The following PDE1C variants were observed in gnomAD, a reference collection of about 807,000 sequenced individuals.
The protein encoded by PDE1C is phosphodiesterase 1C, also known as dual specificity calcium/calmodulin-dependent 3',5'-cyclic nucleotide phosphodiesterase 1C.
In PDE1C, 62 loss-of-function variants were observed where a neutral mutation model predicts 93.1. That is an observed-to-expected ratio of 0.67 (90% CI 0.54 to 0.82). PDE1C has a LOEUF of 0.82. Ranked by LOEUF, PDE1C falls within the 40% of genes least tolerant of loss-of-function variation. PDE1C has a pLI of 0.00. For synonymous variants in PDE1C, 325 were observed against 310.1 expected, an observed-to-expected ratio of 1.05 and a Z score of -0.50; for missense variants, 742 against 884.6, an observed-to-expected ratio of 0.84 and a Z score of 2.04.
At chr7:31,705,467 T>C in the PDE1C span, among the ~76,000 whole-genome samples, 1 of 148,180 alleles carries the variant, frequency 6.7e-6, no homozygotes, top group Non-Finnish European at 1.5e-5. Flanking sequence ...ACGAGAAATA[T>C]CTCCCACTGT....
chr7:32,400,481 G>C (rs570581108), intron 1 of PDE1C, among the ~76,000 whole-genome samples: 1 of 152,348 alleles, frequency 6.6e-6, no homozygotes, highest in East Asian at 1.9e-4. Context: ...AGATTTGGCT[G>C]TTAAGAGTTA....
At chr7:32,356,959 T>A (rs975599755) in intron 1 of PDE1C, among the ~76,000 whole-genome samples, 7 of 95,080 alleles carry the variant, frequency 7.4e-5, no homozygotes, top group African/African-American at 2.9e-4. Context: ...ATGCCACTTA[T>A]TTTTTGCCAA....
chr7:31,869,348 T>G (rs992712471), intron 6 of PDE1C, among the ~76,000 whole-genome samples: 18 of 152,060 alleles, frequency 1.2e-4, no homozygotes, highest in African/African-American at 3.4e-4. Context: ...AATAAATCCA[T>G]GACCCAACTA....
At chr7:31,787,838 T>C (rs1357476691) in intron 16 of PDE1C, 1 of 152,232 alleles carries the variant, frequency 6.6e-6, no homozygotes, top group Non-Finnish European at 1.5e-5. Flanking sequence ...TTTGGAATAA[T>C]TACTTTAATG....
rs73306679 is a variant in PDE1C at position 32,269,250 on chromosome 7, G to T, written c.85+29401C>A. ...ATGTTGTGAAAACAGCAGATTCTGAGCCAGGGGGGGTGAGATGCTGCATTT... is the reference window on the plus strand; with the variant it reads ...ATGTTGTGAAAACAGCAGATTCTGATCCAGGGGGGGTGAGATGCTGCATTT... On this transcript the variant is annotated intron_variant, in intron 1 of 18. Transcript: ENST00000396193. Among the ~76,000 whole-genome samples, 1,272 of 148,658 alleles carry T rather than the reference G, an allele frequency of 8.6e-3. 21 individuals are homozygous for T. Among genetic ancestry groups the T allele is most frequent in the African/African-American group, 0.031 (1,233 of 39,690 alleles).
chr7:31,910,121 G>A (rs567629235), intron 2 of PDE1C, among the ~76,000 whole-genome samples: 6 of 152,162 alleles, frequency 3.9e-5, no homozygotes, highest in East Asian at 3.9e-4. Context: ...ATGGAAACAC[G>A]CCCAGGGTGA....
chr7:32,377,123 G>A (rs1359821606), intron 1 of PDE1C, among the ~76,000 whole-genome samples: 1 of 152,106 alleles, frequency 6.6e-6, no homozygotes, highest in Admixed American at 6.5e-5. Context: ...AGTAAGGCTA[G>A]GGAATGAAAT....
At chr7:31,689,653 G>A in the PDE1C span, among the ~76,000 whole-genome samples, 1 of 152,124 alleles carries the variant, frequency 6.6e-6, no homozygotes, top group African/African-American at 2.4e-5. Context: ...TGAGTTGAGA[G>A]ATGGGGTCAT....
intron 1 of PDE1C, among the ~76,000 whole-genome samples, chr7:32,314,734 C>A (rs981011123): frequency 6.6e-6 from 1 of 151,940 alleles, no homozygotes; most frequent in Non-Finnish European, 1.5e-5. Flanking sequence ...ACAGAATTAC[C>A]GAGAGCACCA....
At chr7:31,714,332 G>C in the PDE1C span, among the ~76,000 whole-genome samples, 1 of 152,080 alleles carries the variant, frequency 6.6e-6, no homozygotes, top group Non-Finnish European at 1.5e-5. Flanking sequence ...CTCCATCTCA[G>C]ACCACCTTGG....
chr7:31,832,824 G>A (rs1196647237), intron 11 of PDE1C, among the ~76,000 whole-genome samples: 4 of 151,996 alleles, frequency 2.6e-5, no homozygotes, highest in Non-Finnish European at 5.9e-5. Flanking sequence ...TCCTTTACGA[G>A]GAAAAAATGT....
chr7:32,120,260 G>T (rs752001289), intron 3 of PDE1C, among the ~76,000 whole-genome samples: 2 of 152,202 alleles, frequency 1.3e-5, no homozygotes, highest in Admixed American at 6.5e-5. Flanking sequence ...GAGCCCCTAG[G>T]GGGAAGGGTG....
intron 3 of PDE1C, among the ~76,000 whole-genome samples, chr7:32,114,789 C>G (rs1178872213): frequency 6.7e-6 from 1 of 150,208 alleles, no homozygotes; most frequent in East Asian, 1.9e-4. Flanking sequence ...ACAACCCCAT[C>G]AAAAAGTGGG....
chr7:32,087,505 A>C (rs1180282565), intron 3 of PDE1C, among the ~76,000 whole-genome samples: 2 of 151,770 alleles, frequency 1.3e-5, no homozygotes, highest in Admixed American at 6.6e-5. Flanking sequence ...TACTGGGTAT[A>C]TACCCAAAGG....
chr7:31,899,422 G>A (rs1799705676), intron 2 of PDE1C, among the ~76,000 whole-genome samples: 1 of 152,130 alleles, frequency 6.6e-6, no homozygotes, highest in Non-Finnish European at 1.5e-5. Context: ...ACAGGCGTAA[G>A]TAAGCCACTG....
At chr7:31,899,120 T>C (rs1175295208) in intron 2 of PDE1C, among the ~76,000 whole-genome samples, 2 of 146,888 alleles carry the variant, frequency 1.4e-5, no homozygotes, top group African/African-American at 5.0e-5. Flanking sequence ...ACCAAGAGCA[T>C]GGGCAGTCCC....
chr7:32,280,939 C>T (rs1327538391), intron 1 of PDE1C, among the ~76,000 whole-genome samples: 2 of 152,150 alleles, frequency 1.3e-5, no homozygotes, highest in African/African-American at 2.4e-5. Context: ...GAGCTATGAT[C>T]ATGCCACCAC....
rs548332318 is a variant in PDE1C at position 32,142,051 on chromosome 7, C to CAGAAGGTTGTA, written c.308+27733_308+27734insTACAACCTTCT. Among the ~76,000 whole-genome samples, 691 of 152,016 alleles carry CAGAAGGTTGTA rather than the reference C, an allele frequency of 4.5e-3. 5 individuals are homozygous for CAGAAGGTTGTA. The highest frequency in any genetic ancestry group is 0.016 in the African/African-American group (656 of 41,440). ...TGACTCTGTGCACTTACACCTTCTG[C>CAGAAGGTTGTA]AGTTGGGTTTTGAGTGGGAATGAAA... On this transcript the variant is annotated intron_variant, in intron 3 of 18. Coordinates refer to the PDE1C transcript ENST00000396193.
intron 3 of PDE1C, among the ~76,000 whole-genome samples, chr7:32,118,276 A>G (rs780889126): frequency 3.3e-5 from 5 of 152,166 alleles, no homozygotes; most frequent in Admixed American, 3.3e-4. Flanking sequence ...GCAGATAGAG[A>G]AATATTCACA....
Sources: allele counts gnomAD v4.1 joint callset (sites outside exome capture counted in the v4.1 genomes callset), GRCh38; gene constraint gnomAD v4.1.1; transcripts MANE v1.5; gene names NCBI Gene and HGNC (gene_info 2026-07-23, HGNC 2026-07-21).